Variants in MDGA2 observed in about 807,000 individuals in gnomAD.
MDGA2 encodes MAM domain-containing glycosylphosphatidylinositol anchor protein 2.
MDGA2 carries 40 observed loss-of-function variants against 117.8 expected under a neutral mutation model. The ratio of observed to expected loss-of-function variants is 0.34; its 90% CI spans 0.26 to 0.44. MDGA2 has a LOEUF of 0.44. Ranked by LOEUF, MDGA2 falls within the 20% of genes least tolerant of loss-of-function variation. The pLI is 1.00. For synonymous variants in MDGA2, 452 were observed against 439.0 expected (o/e 1.03, Z -0.37); for missense variants, 1,123 against 1,250.6 (o/e 0.90, Z 1.54).
intron 2 of MDGA2, among the ~76,000 whole-genome samples, chr14:47,252,508 T>C (rs1054017133): frequency 1.3e-5 from 2 of 152,080 alleles, no homozygotes; most frequent in African/African-American, 4.8e-5. Flanking sequence ...CTGATAGCAA[T>C]AAAGGTTTAA....
intron 2 of MDGA2, among the ~76,000 whole-genome samples, chr14:47,278,896 T>C (rs1424706306): frequency 3.9e-5 from 6 of 152,164 alleles, no homozygotes; most frequent in Admixed American, 3.9e-4. Flanking sequence ...CATTTTCCCT[T>C]CTAATTTAAT....
At chr14:47,496,782 A>G (rs1250435462) in intron 1 of MDGA2, among the ~76,000 whole-genome samples, 2 of 150,458 alleles carry the variant, frequency 1.3e-5, no homozygotes, top group Non-Finnish European at 3.0e-5. Flanking sequence ...TAATATATAT[A>G]ATATATTATA....
intron 7 of MDGA2, among the ~76,000 whole-genome samples, chr14:47,038,395 G>C (rs1888934708): frequency 6.6e-6 from 1 of 152,032 alleles, no homozygotes; most frequent in Admixed American, 6.6e-5. Flanking sequence ...TATTACATTA[G>C]ACCGTTCAAA....
In MDGA2 at chr14:47,218,043, C is replaced by T. The variant is rs1474110267; in HGVS notation, c.573G>A (p.Lys191=). Residue 191 remains lysine, a synonymous_variant, in exon 3 of 17, where the codon AAG becomes AAA. Transcript: ENST00000399232. ...AENGLGSPAI[K]SIRVDVYYLD... Reference sequence around the variant, plus strand: ...TACAGTATACATCCACTCTGATTGACTTTATCGCTGGAGACCCCAAGCCAT... The same window carrying T: ...TACAGTATACATCCACTCTGATTGATTTTATCGCTGGAGACCCCAAGCCAT... The T allele has an allele frequency of 3.9e-6, 6 of 1,549,546 alleles. No individual in the cohort carries two copies. In the African/African-American group the frequency reaches 6.9e-5, roughly 18 times the overall value.
intron 2 of MDGA2, among the ~76,000 whole-genome samples, chr14:47,219,045 A>T (rs575789208): frequency 1.3e-5 from 2 of 152,206 alleles, no homozygotes; most frequent in Non-Finnish European, 2.9e-5. Flanking sequence ...GATACAAAAT[A>T]GAAAGTAAAA....
intron 3 of MDGA2, among the ~76,000 whole-genome samples, chr14:47,211,452 G>A (rs979605067): frequency 2.0e-5 from 3 of 152,140 alleles, no homozygotes; most frequent in East Asian, 1.9e-4. Context: ...TAGGAACAAT[G>A]TGTTGGGCAG....
intron 10 of MDGA2, among the ~76,000 whole-genome samples, chr14:46,902,486 T>G (rs925468447): frequency 6.6e-6 from 1 of 152,140 alleles, no homozygotes; most frequent in African/African-American, 2.4e-5. Context: ...TACATAGAAA[T>G]TACACTCTTT....
intron 7 of MDGA2, among the ~76,000 whole-genome samples, chr14:47,037,354 C>A (rs916712436): frequency 3.3e-5 from 5 of 152,132 alleles, no homozygotes; most frequent in African/African-American, 1.2e-4. Flanking sequence ...ATAATAAATA[C>A]TTCAATTTGA....
In MDGA2 at chr14:47,042,312, GTTTTTTTT is replaced by G. The variant is rs748830079; in HGVS notation, c.1526-7016_1526-7009del. 3.1e-5 allele frequency among the ~76,000 whole-genome samples: 4 copies of G among 129,990 alleles called. No homozygotes were observed. In the Admixed American group the frequency reaches 3.1e-4, roughly 10 times the overall value. The allele number at this position is 129,990 out of a possible 152,430, so 85.3% of individuals were successfully genotyped here. On this transcript the variant is annotated intron_variant, in intron 7 of 16. Transcript: ENST00000399232. The stretch of plus-strand genomic sequence containing the variant: ...AATAATCCAAATGAACCAAATCTAT[GTTTTTTTT>G]TTTTTTTTGTGTGTGTGTGTGTGTG...
chr14:46,945,497 A>C (rs895193633), intron 9 of MDGA2, among the ~76,000 whole-genome samples: 2 of 152,092 alleles, frequency 1.3e-5, no homozygotes, highest in Non-Finnish European at 2.9e-5. Flanking sequence ...AGAAAATGGT[A>C]AATCACCTCA....
chr14:47,624,814 G>A (rs1162365431), intron 1 of MDGA2, among the ~76,000 whole-genome samples: 1 of 152,050 alleles, frequency 6.6e-6, no homozygotes, highest in Non-Finnish European at 1.5e-5. Flanking sequence ...AAAAACTGTA[G>A]TACATAGAAA....
chr14:47,439,329 TTGTGTGTGTA>T lies in MDGA2; in HGVS notation c.281-137789_281-137780del, dbSNP rs879457947. ...TGTAAGATATGTTTTGTGCCTCTGTTTGTGTGTGTATGTGTGTGTATGTTTATCTCCTAAA... is the reference window on the plus strand; with the variant it reads ...TGTAAGATATGTTTTGTGCCTCTGTTTGTGTGTGTATGTTTATCTCCTAAA... On this transcript the variant is annotated intron_variant, in intron 1 of 16. Transcript: ENST00000399232. Among the ~76,000 whole-genome samples the T allele has an allele frequency of 2.5e-4, 38 of 152,198 alleles. 2 individuals carry two copies. In the East Asian group the frequency reaches 2.5e-3, roughly 10 times the overall value.
At chr14:47,412,226 A>G (rs1220193504) in intron 1 of MDGA2, among the ~76,000 whole-genome samples, 1 of 152,210 alleles carries the variant, frequency 6.6e-6, no homozygotes, top group Non-Finnish European at 1.5e-5. Flanking sequence ...TTGAGACAGG[A>G]AACTCTGCAG....
intron 6 of MDGA2, among the ~76,000 whole-genome samples, chr14:47,067,123 GAAAC>G (rs1296708348): frequency 2.0e-5 from 3 of 152,028 alleles, no homozygotes; most frequent in East Asian, 1.9e-4. Flanking sequence ...CACAAACAAA[GAAAC>G]AAACAACCAA....
At chr14:47,228,556 T>C (rs2139561342) in intron 2 of MDGA2, among the ~76,000 whole-genome samples, 1 of 152,294 alleles carries the variant, frequency 6.6e-6, no homozygotes, top group Admixed American at 6.5e-5. Flanking sequence ...CATCTTTAGC[T>C]AGCACATTAA....
intron 10 of MDGA2, among the ~76,000 whole-genome samples, chr14:46,893,983 T>C (rs1009481746): frequency 8.5e-5 from 13 of 152,048 alleles, no homozygotes; most frequent in African/African-American, 3.1e-4. Context: ...GCACATTTGA[T>C]TCATTTTCCA....
intron 1 of MDGA2, among the ~76,000 whole-genome samples, chr14:47,551,165 A>C (rs1370854321): frequency 6.6e-6 from 1 of 152,158 alleles, no homozygotes; most frequent in African/African-American, 2.4e-5. Context: ...TAATATAATT[A>C]AGAGGATAAT....
intron 1 of MDGA2, among the ~76,000 whole-genome samples, chr14:47,546,494 T>G (rs8017136): frequency 0.013 from 2,001 of 152,298 alleles, 42 homozygotes; most frequent in African/African-American, 0.045. Context: ...CAGGCTACAA[T>G]ATTTACTGAA....
intron 1 of MDGA2, among the ~76,000 whole-genome samples, chr14:47,630,965 A>G (rs1157916903): frequency 1.3e-5 from 2 of 152,178 alleles, no homozygotes; most frequent in African/African-American, 2.4e-5. Flanking sequence ...CCATTTTGCA[A>G]GCAAAACAGA....
Sources: allele counts gnomAD v4.1 joint callset (sites outside exome capture counted in the v4.1 genomes callset), GRCh38; gene constraint gnomAD v4.1.1; transcripts MANE v1.5; gene names NCBI Gene and HGNC (gene_info 2026-07-23, HGNC 2026-07-21).